LHFPL6: variants seen among roughly 807,000 people sequenced by gnomAD.
LHFPL6 encodes LHFPL tetraspan subfamily member 6 protein.
LHFPL6 carries 9 observed loss-of-function variants against 20.6 expected under a neutral mutation model. The ratio of observed to expected loss-of-function variants is 0.44; its 90% CI spans 0.26 to 0.76. The LOEUF is 0.76. Ranked by LOEUF, LHFPL6 falls within the 30% of genes least tolerant of loss-of-function variation. The probability of loss-of-function intolerance (pLI) is 0.20; values close to 1 mark genes in which losing one functional copy is unlikely to be tolerated. For synonymous variants in LHFPL6, 105 were observed against 98.7 expected (o/e 1.06, Z -0.38); for missense variants, 218 against 253.5 (o/e 0.86, Z 0.95).
intron 2 of LHFPL6, among the ~76,000 whole-genome samples, chr13:39,507,717 T>G (rs1034913068): frequency 6.6e-6 from 1 of 152,124 alleles, no homozygotes; most frequent in African/African-American, 2.4e-5. Flanking sequence ...TATAGAAAAA[T>G]AGTTTTACCT....
intron 2 of LHFPL6, among the ~76,000 whole-genome samples, chr13:39,502,832 T>C (rs1283438751): frequency 6.6e-6 from 1 of 152,258 alleles, no homozygotes; most frequent in Non-Finnish European, 1.5e-5. Flanking sequence ...CAGTCTCTTC[T>C]AGTCTTTTCC....
intron 2 of LHFPL6, among the ~76,000 whole-genome samples, chr13:39,470,108 T>C (rs1593325221): frequency 6.6e-6 from 1 of 152,158 alleles, no homozygotes; most frequent in Non-Finnish European, 1.5e-5. Context: ...AAAATATATA[T>C]ATATAAGCCA....
chr13:39,360,893 G>A (rs1364152942), intron 3 of LHFPL6, among the ~76,000 whole-genome samples: 1 of 96,974 alleles, frequency 1.0e-5, no homozygotes, highest in African/African-American at 3.0e-5. Context: ...TCTCTTGCCC[G>A]CCCCCTCAAA....
intron 2 of LHFPL6, among the ~76,000 whole-genome samples, chr13:39,531,061 T>C (rs1450621722): frequency 6.6e-6 from 1 of 152,210 alleles, no homozygotes; most frequent in African/African-American, 2.4e-5. Flanking sequence ...TAACTGGCTC[T>C]ACTTTTCACA....
intron 3 of LHFPL6, among the ~76,000 whole-genome samples, chr13:39,369,597 T>TCCTTC (rs763910245): frequency 1.1e-5 from 1 of 87,374 alleles, no homozygotes; most frequent in African/African-American, 4.3e-5. Flanking sequence ...CTTCCTTCCT[T>TCCTTC]CCTCCCTCTC....
intron 2 of LHFPL6, among the ~76,000 whole-genome samples, chr13:39,446,287 C>T (rs1381256735): frequency 2.0e-5 from 3 of 152,176 alleles, no homozygotes; most frequent in South Asian, 2.1e-4. Flanking sequence ...ATCTATGAGA[C>T]TCCCATCCTC....
At chr13:39,447,940 A>G (rs1459837315) in intron 2 of LHFPL6, among the ~76,000 whole-genome samples, 3 of 152,210 alleles carry the variant, frequency 2.0e-5, no homozygotes, top group Non-Finnish European at 4.4e-5. Flanking sequence ...CAGACCCTTC[A>G]CATAGTCCTC....
intron 2 of LHFPL6, among the ~76,000 whole-genome samples, chr13:39,497,033 A>G (rs1039797148): frequency 6.6e-6 from 1 of 152,230 alleles, no homozygotes; most frequent in African/African-American, 2.4e-5. Context: ...TTGTGGAGCT[A>G]GAAAAACAAA....
At chr13:39,420,111 A>G (rs577119162) in intron 2 of LHFPL6, among the ~76,000 whole-genome samples, 2 of 152,278 alleles carry the variant, frequency 1.3e-5, no homozygotes, top group East Asian at 3.9e-4. Context: ...AAATCAGGCT[A>G]TCTGGAGTCT....
intron 3 of LHFPL6, among the ~76,000 whole-genome samples, chr13:39,359,101 T>A (rs2138343444): frequency 6.6e-6 from 1 of 151,064 alleles, no homozygotes; most frequent in African/African-American, 2.4e-5. Flanking sequence ...GGCGGATGTT[T>A]CAGTGAGCCG....
intron 2 of LHFPL6, among the ~76,000 whole-genome samples, chr13:39,461,026 C>T (rs1339446740): frequency 6.6e-6 from 1 of 152,144 alleles, no homozygotes; most frequent in East Asian, 1.9e-4. Flanking sequence ...TCTATTGTTC[C>T]CCTCTTTGTG....
intron 2 of LHFPL6, among the ~76,000 whole-genome samples, chr13:39,392,022 G>A (rs1456061901): frequency 6.6e-6 from 1 of 152,108 alleles, no homozygotes. Context: ...CATCTGTGAT[G>A]TACTGATCAG....
chr13:39,441,823 C>CTTTTTTT (rs1168860757), intron 2 of LHFPL6, among the ~76,000 whole-genome samples: 3 of 110,078 alleles, frequency 2.7e-5, no homozygotes, highest in Non-Finnish European at 5.4e-5. Flanking sequence ...TGGGCTAAAA[C>CTTTTTTT]TTTTTTTTTT....
intron 3 of LHFPL6, among the ~76,000 whole-genome samples, chr13:39,366,722 T>C (rs1297692141): frequency 6.6e-6 from 1 of 152,222 alleles, no homozygotes; most frequent in Non-Finnish European, 1.5e-5. Context: ...TCCATGTTTA[T>C]GTCCACTCCC....
Position 39,343,925 on chromosome 13 carries a change from G to A in LHFPL6, c.*11C>T. The A allele has an allele frequency of 5.0e-6, 8 of 1,608,448 alleles. No homozygotes were observed. Among genetic ancestry groups the A allele is most frequent in the Non-Finnish European group, 6.0e-6 (7 of 1,175,560 alleles). ...CCATCTTCTCCTCTGTCTGCTCTTGGTAGCTCCATCTCAGTATGGGTAGTG... is the reference window on the plus strand; with the variant it reads ...CCATCTTCTCCTCTGTCTGCTCTTGATAGCTCCATCTCAGTATGGGTAGTG... On this transcript the variant is annotated 3_prime_UTR_variant, in exon 4 of 4. Transcript: ENST00000379589.
Position 39,512,104 on chromosome 13 carries a change from A to G in LHFPL6, c.385+88728T>C, listed in dbSNP as rs73175182. On this transcript the variant is annotated intron_variant, in intron 2 of 3. Transcript: ENST00000379589. Reference sequence around the variant, plus strand: ...CTTTATTTGTAATTTAAAGACTTTTAAGGTATAAAGATAATGTCAAGTCTT... The same window carrying G: ...CTTTATTTGTAATTTAAAGACTTTTGAGGTATAAAGATAATGTCAAGTCTT... Among the ~76,000 whole-genome samples, 790 of 152,314 alleles carry G rather than the reference A, an allele frequency of 5.2e-3. 6 individuals carry two copies. Among genetic ancestry groups the G allele is most frequent in the Non-Finnish European group, 9.1e-3 (616 of 68,020 alleles).
chr13:39,586,399 T>C (rs371320992), intron 2 of LHFPL6, among the ~76,000 whole-genome samples: 2 of 152,298 alleles, frequency 1.3e-5, no homozygotes, highest in South Asian at 2.1e-4. Context: ...ATTGTAACAC[T>C]GTATGATAAA....
At chr13:39,484,786 T>A (rs1421079414) in intron 2 of LHFPL6, among the ~76,000 whole-genome samples, 1 of 152,128 alleles carries the variant, frequency 6.6e-6, no homozygotes, top group African/African-American at 2.4e-5. Flanking sequence ...CGGAGGGGGA[T>A]GAATGAGGAG....
In LHFPL6 at chr13:39,343,410, T is replaced by C. The variant is rs1417321748; in HGVS notation, c.*526A>G. On this transcript the variant is annotated 3_prime_UTR_variant, in exon 4 of 4. Transcript: ENST00000379589. Reference sequence around the variant, plus strand: ...CTGTGCGATAATCCACGTTTGTGCATAGGCGTGTGTGGGGATGCATATGTC... The same window carrying C: ...CTGTGCGATAATCCACGTTTGTGCACAGGCGTGTGTGGGGATGCATATGTC... The C allele has an allele frequency of 4.3e-6, 1 of 232,300 alleles. No homozygotes were observed. Among genetic ancestry groups the C allele is most frequent in the Non-Finnish European group, 8.5e-6 (1 of 117,208 alleles). 14.4% of individuals were successfully genotyped at this position (232,300 alleles called of 1,614,324 possible).
Sources: gnomAD v4.1 joint callset for allele counts (sites outside exome capture counted in the v4.1 genomes callset) on GRCh38, gnomAD v4.1.1 for gene constraint, MANE v1.5 for transcripts, NCBI Gene and HGNC (gene_info 2026-07-23, HGNC 2026-07-21) for gene names.